Variants in RASGEF1C observed in about 807,000 individuals in gnomAD.
The protein encoded by RASGEF1C is RasGEF domain family member 1C.
In RASGEF1C, 27 loss-of-function variants were observed where a neutral mutation model predicts 58.1. The observed-to-expected ratio is 0.46, with a 90% confidence interval of 0.34 to 0.64. RASGEF1C has a LOEUF of 0.64. RASGEF1C is among the 30% of genes least tolerant of loss of function. The pLI is 0.01. For missense variants in RASGEF1C, 502 were observed against 605.1 expected (o/e 0.83, Z 1.79); for synonymous variants, 243 against 246.3 (o/e 0.99, Z 0.13).
Position 180,138,610 on chromosome 5 carries a change from C to G in RASGEF1C, c.-6-552G>C, listed in dbSNP as rs552247515. 5.3e-5 allele frequency among the ~76,000 whole-genome samples: 8 copies of G among 152,308 alleles called. No homozygotes were observed. In the South Asian group the frequency reaches 1.4e-3, roughly 28 times the overall value. On this transcript the variant is annotated intron_variant, in intron 1 of 13. Transcript: ENST00000361132. ...GAGCACAGTGTCGCTGTGCTGAGCA[C>G]AGAAGCTGCTCCATGGACTTCTCCA... is the stretch of plus-strand genomic sequence containing the variant.
rs947840974 is a variant in RASGEF1C, at chr5:180,177,965, CTT to C, written c.-7+31061_-7+31062del. Reference sequence around the variant, plus strand: ...AGCCATGCCTGAAGCCCACCTTGGGCTTTTTTTTTTTTTCTTTTTGAGGTGGA... The same window carrying C: ...AGCCATGCCTGAAGCCCACCTTGGGCTTTTTTTTTTTCTTTTTGAGGTGGA... On this transcript the variant is annotated intron_variant, in intron 1 of 13. Transcript: ENST00000361132. This position sits in a 1 kb window ranked among gnomAD's most constrained non-coding sequence, Gnocchi z 5.0. Among the ~76,000 whole-genome samples, 1 of 143,388 alleles carries C rather than the reference CTT, an allele frequency of 7.0e-6. No homozygotes were observed. The allele number at this position is 143,388 out of a possible 152,430, so 94.1% of individuals were successfully genotyped here. A position where few individuals can be genotyped will look rare whatever the true frequency, so the allele number is the denominator to read the frequency against.
In RASGEF1C at chr5:180,137,566, C is replaced by A. The variant is rs569332409; in HGVS notation, c.300+24G>T. 5.0e-6 allele frequency: 8 copies of A among 1,602,060 alleles called. No homozygotes were observed. In the East Asian group the frequency reaches 1.4e-4, roughly 27 times the overall value. ...GGGCAGTGCTGGTACACTCTGAGAC[C>A]CCCTGGCCTGCCCTCCGCCTCACCT... On this transcript the variant is annotated intron_variant, in intron 3 of 13. Coordinates refer to ENST00000361132, the MANE Select transcript of RASGEF1C (RefSeq NM_175062.4). This position sits in a 1 kb window ranked among gnomAD's most constrained non-coding sequence, Gnocchi z 4.1.
rs376258968 is a variant in RASGEF1C at position 180,152,541 on chromosome 5, C to T, written c.-6-14483G>A. 5.7e-4 allele frequency among the ~76,000 whole-genome samples: 68 copies of T among 120,086 alleles called. 2 individuals are homozygous for T. In the South Asian group the frequency reaches 0.016, roughly 28 times the overall value. 78.8% of individuals were successfully genotyped at this position (120,086 alleles called of 152,430 possible). ...GAACACATGGACACAGGAAGGGGAA[C>T]ATCACACACCGGGGCCTGTTGTGGG... On this transcript the variant is annotated intron_variant, in intron 1 of 13. Transcript: ENST00000361132.
intron 4 of RASGEF1C, among the ~76,000 whole-genome samples, chr5:180,130,341 CTG>C (rs929391670): frequency 6.6e-5 from 10 of 152,194 alleles, no homozygotes; most frequent in African/African-American, 2.2e-4. Flanking sequence ...GTGTCCAAAA[CTG>C]TGGTCGGCAC....
intron 1 of RASGEF1C, among the ~76,000 whole-genome samples, chr5:180,206,053 A>AT (rs1756482640): frequency 6.6e-6 from 1 of 152,002 alleles, no homozygotes; most frequent in South Asian, 2.1e-4. Flanking sequence ...CTTTAAATAT[A>AT]TTTTTTCTCT....
chr5:180,163,254 C>CTTTTTTTTTTTTTTTTTTTTTTTTTT lies in RASGEF1C; in HGVS notation c.-6-25197_-6-25196insAAAAAAAAAAAAAAAAAAAAAAAAAA, dbSNP rs1187829324. 9.8e-5 allele frequency among the ~76,000 whole-genome samples: 7 copies of CTTTTTTTTTTTTTTTTTTTTTTTTTT among 71,068 alleles called. 1 individual carries two copies. The highest frequency in any genetic ancestry group is 2.5e-4 in the African/African-American group (4 of 15,956). The allele number at this position is 71,068 out of a possible 152,430, so 46.6% of individuals were successfully genotyped here. ...CACTTTTTTTTTTTTTTTTTTTTTC[C>CTTTTTTTTTTTTTTTTTTTTTTTTTT]AGCCTATTGCACTGGCTAGGACTTC... On this transcript the variant is annotated intron_variant, in intron 1 of 13. Coordinates refer to ENST00000361132, the MANE Select transcript of RASGEF1C (RefSeq NM_175062.4).
In RASGEF1C at chr5:180,158,871, T is replaced by A. The variant is rs1766891591; in HGVS notation, c.-6-20813A>T. Among the ~76,000 whole-genome samples, 1 of 152,156 alleles carries A rather than the reference T, an allele frequency of 6.6e-6. No individual in the cohort carries two copies. The highest frequency in any genetic ancestry group is 1.5e-5 in the Non-Finnish European group (1 of 68,014). ...CCTTCATTTTCTCTGTCTAGAATTC[T>A]TAGCACTCATTTTTGGACCCCCTGG... is the stretch of plus-strand genomic sequence containing the variant. On this transcript the variant is annotated intron_variant, in intron 1 of 13. Transcript: ENST00000361132. This position sits in a 1 kb window ranked among gnomAD's most constrained non-coding sequence, Gnocchi z 4.0.
At chr5:180,140,826 C>T (rs1451979573) in intron 1 of RASGEF1C, among the ~76,000 whole-genome samples, 2 of 152,220 alleles carry the variant, frequency 1.3e-5, no homozygotes, top group African/African-American at 4.8e-5. Context: ...ACATGCCAGA[C>T]AGACTGACCA....
In RASGEF1C at chr5:180,177,156, G is replaced by A. The variant is rs1767242782; in HGVS notation, c.-7+31872C>T. Among the ~76,000 whole-genome samples, 1 of 152,182 alleles carries A rather than the reference G, an allele frequency of 6.6e-6. No individual in the cohort carries two copies. The highest frequency in any genetic ancestry group is 1.5e-5 in the Non-Finnish European group (1 of 68,016). On this transcript the variant is annotated intron_variant, in intron 1 of 13. Transcript: ENST00000361132. This position sits in a 1 kb window ranked among gnomAD's most constrained non-coding sequence, Gnocchi z 5.0. ...GCCTGACGGAGGGGCTGGATGAGGG[G>A]CAGTGGGATGGGGGGCTGGCTGGGC... is the stretch of plus-strand genomic sequence containing the variant.
At chr5:180,178,502 A>T (rs1377279616) in intron 1 of RASGEF1C, among the ~76,000 whole-genome samples, 1 of 142,482 alleles carries the variant, frequency 7.0e-6, no homozygotes, top group Non-Finnish European at 1.5e-5. Flanking sequence ...CTGGTCTCGA[A>T]CTCCTGACTT....
intron 1 of RASGEF1C, among the ~76,000 whole-genome samples, chr5:180,199,886 G>C (rs2127564067): frequency 6.6e-6 from 1 of 152,220 alleles, no homozygotes; most frequent in Non-Finnish European, 1.5e-5. Flanking sequence ...GAATTTCCGT[G>C]TTCTAAGGTG....
At position 180,136,529 on chromosome 5, in the gene RASGEF1C, A is replaced by AG; in HGVS notation, c.301-15dup. 6.4e-7 allele frequency: 1 copy of AG among 1,569,312 alleles called. No individual in the cohort carries two copies. Among genetic ancestry groups the AG allele is most frequent in the Non-Finnish European group, 8.6e-7 (1 of 1,156,632 alleles). On this transcript the variant is annotated splice_polypyrimidine_tract_variant and intron_variant, in intron 3 of 13. Transcript: ENST00000361132. The stretch of plus-strand genomic sequence containing the variant: ...CCGGACCCGGGCCTACGGGCAAGCG[A>AG]GGGGCACCGCGCTCGTGAGGGGCGC...
At chr5:180,200,933 A>G (rs1412927945) in intron 1 of RASGEF1C, among the ~76,000 whole-genome samples, 1 of 152,070 alleles carries the variant, frequency 6.6e-6, no homozygotes, top group East Asian at 1.9e-4. Context: ...AAGAACTATG[A>G]AAAAAAGAAA....
chr5:180,205,981 T>C (rs904418665), intron 1 of RASGEF1C, among the ~76,000 whole-genome samples: 5 of 152,202 alleles, frequency 3.3e-5, no homozygotes, highest in Admixed American at 1.3e-4. Flanking sequence ...GTGATCTGCC[T>C]GCCTCAGCCT....
intron 1 of RASGEF1C, among the ~76,000 whole-genome samples, chr5:180,174,581 TGC>T (rs1468733935): frequency 4.9e-4 from 73 of 149,550 alleles, no homozygotes; most frequent in African/African-American, 1.4e-3. Flanking sequence ...TGTCTGTGTG[TGC>T]GCACGTGTGT....
chr5:180,115,371 TAGACCAAA>T (rs1380953538), intron 10 of RASGEF1C: 2 of 390,992 alleles, frequency 5.1e-6, no homozygotes, highest in Non-Finnish European at 1.0e-5. Context: ...CACTTACTGT[TAGACCAAA>T]AGCAATTCTT....
chr5:180,183,523 T>C (rs757312176), intron 1 of RASGEF1C, among the ~76,000 whole-genome samples: 1 of 150,612 alleles, frequency 6.6e-6, no homozygotes, highest in Non-Finnish European at 1.5e-5. Context: ...GAAAAACATA[T>C]GAAACAATTA....
intron 6 of RASGEF1C, among the ~76,000 whole-genome samples, chr5:180,126,559 A>C (rs1766266035): frequency 1.3e-5 from 2 of 152,122 alleles, no homozygotes; most frequent in Admixed American, 6.5e-5. Context: ...CCAAATGGTC[A>C]CACACTCTCG....
chr5:180,114,422 T>C, intron 11 of RASGEF1C, 24 bp downstream of exon 11: 1 of 1,607,402 alleles, frequency 6.2e-7, no homozygotes, highest in South Asian at 1.1e-5. Context: ...TCTACCTCAG[T>C]GGCGGTCCAC....
Sources: gnomAD v4.1 joint callset for allele counts (sites outside exome capture counted in the v4.1 genomes callset) on GRCh38, gnomAD v4.1.1 for gene constraint, Gnocchi (gnomAD v3.1) non-coding constraint, MANE v1.5 for transcripts, NCBI Gene and HGNC (gene_info 2026-07-23, HGNC 2026-07-21) for gene names.